The following GRID2 variants were observed in gnomAD, a reference collection of about 807,000 sequenced individuals.
GRID2 encodes the protein glutamate receptor ionotropic, delta-2.
In GRID2, 33 loss-of-function variants were observed where a neutral mutation model predicts 114.8. That is an observed-to-expected ratio of 0.29 (90% CI 0.22 to 0.38). The LOEUF is 0.38. GRID2 is among the 10% of genes least tolerant of loss of function. The pLI, the probability that GRID2 is intolerant of heterozygous loss-of-function variation, is 1.00. For missense variants in GRID2, 1,184 were observed against 1,257.7 expected (o/e 0.94, Z 0.89); for synonymous variants, 505 against 449.9 (o/e 1.12, Z -1.55).
At chr4:93,607,668 A>C (rs930941326) in intron 13 of GRID2, among the ~76,000 whole-genome samples, 1 of 152,170 alleles carries the variant, frequency 6.6e-6, no homozygotes, top group Non-Finnish European at 1.5e-5. Flanking sequence ...GTGAGAGTAC[A>C]CTTCTCCATA....
At position 93,006,007 on chromosome 4, in the gene GRID2, G is replaced by C. The variant is rs540178361; in HGVS notation, c.245-78988G>C. On this transcript the variant is annotated intron_variant, in intron 2 of 15. Transcript: ENST00000282020. ...TTATGATTGCTTTTCTATTTGCTTGGATTTCTCCTAAATCAAATCCTAGAG... is the reference window on the plus strand; with the variant it reads ...TTATGATTGCTTTTCTATTTGCTTGCATTTCTCCTAAATCAAATCCTAGAG... 2.0e-5 allele frequency among the ~76,000 whole-genome samples: 3 copies of C among 151,862 alleles called. No homozygotes were observed. The East Asian group carries it at 5.8e-4, about 30-fold the overall frequency.
chr4:93,613,633 G>C (rs1273730360), intron 13 of GRID2, among the ~76,000 whole-genome samples: 1 of 118,784 alleles, frequency 8.4e-6, no homozygotes, highest in Non-Finnish European at 1.9e-5. Flanking sequence ...CGGGGGTCAG[G>C]GGTCAGGGAC....
At chr4:92,338,977 G>A (rs1319538254) in intron 1 of GRID2, among the ~76,000 whole-genome samples, 1 of 151,908 alleles carries the variant, frequency 6.6e-6, no homozygotes, top group African/African-American at 2.4e-5. Context: ...TTAGATGAAA[G>A]GTACAATATA....
At chr4:93,437,740 T>G (rs1288162697) in intron 10 of GRID2, among the ~76,000 whole-genome samples, 1 of 152,128 alleles carries the variant, frequency 6.6e-6, no homozygotes, top group African/African-American at 2.4e-5. Flanking sequence ...TTAGATGACA[T>G]TCAGCTTTAA....
intron 1 of GRID2, among the ~76,000 whole-genome samples, chr4:92,546,677 G>A (rs1038354695): frequency 2.6e-5 from 4 of 152,126 alleles, no homozygotes; most frequent in Admixed American, 2.6e-4. Context: ...TACCCTTTCT[G>A]GACTTCCTAA....
At chr4:92,928,872 T>G (rs992020453) in intron 2 of GRID2, among the ~76,000 whole-genome samples, 1 of 151,472 alleles carries the variant, frequency 6.6e-6, no homozygotes, top group Non-Finnish European at 1.5e-5. Context: ...AGTAGTTATT[T>G]TTTGAGAACC....
intron 8 of GRID2, among the ~76,000 whole-genome samples, chr4:93,244,375 A>G (rs192099641): frequency 6.3e-4 from 96 of 151,708 alleles, no homozygotes; most frequent in African/African-American, 2.2e-3. Context: ...GGTTTCTCAG[A>G]TATACTTAGA....
intron 1 of GRID2, among the ~76,000 whole-genome samples, chr4:92,404,959 C>T (rs2110288548): frequency 6.6e-6 from 1 of 152,202 alleles, no homozygotes; most frequent in African/African-American, 2.4e-5. Flanking sequence ...TTGATAGGTG[C>T]AGCGTACCAC....
At chr4:93,148,285 G>A (rs1560928240) in intron 4 of GRID2, among the ~76,000 whole-genome samples, 1 of 152,072 alleles carries the variant, frequency 6.6e-6, no homozygotes, top group Non-Finnish European at 1.5e-5. Context: ...TAACACTACT[G>A]CCAACTTCAT....
At chr4:92,307,342 G>C (rs959549547) in intron 1 of GRID2, among the ~76,000 whole-genome samples, 10 of 152,186 alleles carry the variant, frequency 6.6e-5, no homozygotes, top group Non-Finnish European at 1.0e-4. Context: ...GATGGAAGGA[G>C]ATATGCAGAA....
intron 1 of GRID2, among the ~76,000 whole-genome samples, chr4:92,369,927 T>C (rs889286581): frequency 6.6e-6 from 1 of 152,210 alleles, no homozygotes; most frequent in Admixed American, 6.5e-5. Context: ...TATATATTTA[T>C]GTAGCAAACA....
chr4:93,146,189 C>G (rs772666774), intron 4 of GRID2, among the ~76,000 whole-genome samples: 1 of 151,970 alleles, frequency 6.6e-6, no homozygotes, highest in African/African-American at 2.4e-5. Context: ...AAAACCCAAC[C>G]GCATATTTAT....
chr4:92,456,177 T>G (rs1482922186), intron 1 of GRID2, among the ~76,000 whole-genome samples: 6 of 151,896 alleles, frequency 4.0e-5, no homozygotes, highest in Non-Finnish European at 7.4e-5. Context: ...AAAAAATCCC[T>G]CTAGCATTTT....
At chr4:93,163,384 A>ATATATATATG (rs1560941775) in intron 4 of GRID2, among the ~76,000 whole-genome samples, 2 of 39,428 alleles carry the variant, frequency 5.1e-5, no homozygotes, top group African/African-American at 2.8e-4. Context: ...ATATATATAT[A>ATATATATATG]TATATATATA....
intron 1 of GRID2, among the ~76,000 whole-genome samples, chr4:92,520,249 C>T (rs1358710437): frequency 6.6e-6 from 1 of 151,580 alleles, no homozygotes; most frequent in East Asian, 2.0e-4. Flanking sequence ...TACTCTTCTT[C>T]AGGATAATGT....
At chr4:93,253,594 T>A (rs1020583015) in intron 8 of GRID2, among the ~76,000 whole-genome samples, 2 of 152,098 alleles carry the variant, frequency 1.3e-5, no homozygotes, top group African/African-American at 4.8e-5. Flanking sequence ...AAAGATTTAC[T>A]AAGCATTAAA....
chr4:92,527,712 C>G (rs1268969108), intron 1 of GRID2, among the ~76,000 whole-genome samples: 4 of 151,900 alleles, frequency 2.6e-5, no homozygotes, highest in Non-Finnish European at 5.9e-5. Context: ...TAAGACAAAC[C>G]TCCAAAAATG....
intron 2 of GRID2, among the ~76,000 whole-genome samples, chr4:92,951,507 A>AT (rs984105778): frequency 2.0e-5 from 3 of 151,762 alleles, no homozygotes; most frequent in South Asian, 2.1e-4. Context: ...CAACTGGCTA[A>AT]TTTTTTTGTA....
intron 13 of GRID2, among the ~76,000 whole-genome samples, chr4:93,548,031 G>C (rs756094909): frequency 6.6e-6 from 1 of 152,018 alleles, no homozygotes; most frequent in Admixed American, 6.6e-5. Flanking sequence ...ACAAAAATTA[G>C]CTGGGCACGG....
Sources: allele counts gnomAD v4.1 joint callset (sites outside exome capture counted in the v4.1 genomes callset), GRCh38; gene constraint gnomAD v4.1.1; transcripts MANE v1.5; gene names NCBI Gene and HGNC (gene_info 2026-07-23, HGNC 2026-07-21).